Variants in CCSER1 observed in about 807,000 individuals in gnomAD.
The protein encoded by CCSER1 is coiled-coil serine rich protein 1, also known as serine-rich coiled-coil domain-containing protein 1.
Under a neutral mutation model 82.0 loss-of-function variants are expected in CCSER1, and 41 were observed. The ratio of observed to expected loss-of-function variants is 0.50; its 90% CI spans 0.39 to 0.65. CCSER1 has a LOEUF of 0.65. CCSER1 is among the 30% of genes least tolerant of loss of function. The pLI, the probability that CCSER1 is intolerant of heterozygous loss-of-function variation, is 0.00. For missense variants in CCSER1, 1,119 were observed against 1,064.2 expected (o/e 1.05, Z -0.72); for synonymous variants, 414 against 383.9 (o/e 1.08, Z -0.92).
chr4:90,332,150 TTAACC>T (rs1739406495), intron 3 of CCSER1, among the ~76,000 whole-genome samples: 3 of 152,272 alleles, frequency 2.0e-5, no homozygotes, highest in African/African-American at 7.2e-5. Context: ...AAAGAAAAAG[TTAACC>T]AAACTTACTT....
At chr4:91,510,767 A>G (rs1759774868) in intron 10 of CCSER1, among the ~76,000 whole-genome samples, 5 of 152,056 alleles carry the variant, frequency 3.3e-5, no homozygotes, top group Admixed American at 3.3e-4. Flanking sequence ...CTCCCATTCT[A>G]TAGGTTGTAT....
At chr4:90,927,143 G>A (rs1729169400) in intron 9 of CCSER1, among the ~76,000 whole-genome samples, 1 of 152,000 alleles carries the variant, frequency 6.6e-6, no homozygotes, top group South Asian at 2.1e-4. Context: ...GACAGCTTAT[G>A]TCCTGAAGAA....
intron 9 of CCSER1, among the ~76,000 whole-genome samples, chr4:90,943,378 T>G (rs181684905): frequency 6.6e-6 from 1 of 152,204 alleles, no homozygotes; most frequent in African/African-American, 2.4e-5. Flanking sequence ...CATTTTGAGA[T>G]AGTGATCATC....
At chr4:91,597,771 A>G (rs1764651968) in intron 10 of CCSER1, among the ~76,000 whole-genome samples, 1 of 133,424 alleles carries the variant, frequency 7.5e-6, no homozygotes, top group Admixed American at 7.6e-5. Context: ...CATTTTTTGC[A>G]TGCAGAACAA....
chr4:91,594,155 T>C (rs968023809), intron 10 of CCSER1, among the ~76,000 whole-genome samples: 1 of 151,904 alleles, frequency 6.6e-6, no homozygotes, highest in Non-Finnish European at 1.5e-5. Context: ...GAGAAAGATG[T>C]GGCTAGACAC....
At chr4:91,081,951 G>A (rs539372583) in intron 9 of CCSER1, among the ~76,000 whole-genome samples, 6 of 152,234 alleles carry the variant, frequency 3.9e-5, no homozygotes, top group African/African-American at 1.2e-4. Flanking sequence ...ATGCTCATGG[G>A]TAGGAAGAAT....
chr4:90,198,633 A>G (rs867056608), intron 1 of CCSER1, among the ~76,000 whole-genome samples: 3 of 152,272 alleles, frequency 2.0e-5, no homozygotes, highest in African/African-American at 7.2e-5. Flanking sequence ...GAAAACTTCA[A>G]TTCACTTTTG....
intron 6 of CCSER1, among the ~76,000 whole-genome samples, chr4:90,714,877 G>A (rs1419226075): frequency 6.6e-6 from 1 of 151,846 alleles, no homozygotes; most frequent in African/African-American, 2.4e-5. Context: ...AGTGTATCTG[G>A]CATGAAATAG....
chr4:90,258,335 A>G (rs1001024550), intron 1 of CCSER1, among the ~76,000 whole-genome samples: 2 of 152,176 alleles, frequency 1.3e-5, no homozygotes, highest in Admixed American at 6.5e-5. Flanking sequence ...CAACATGGTA[A>G]CACCCCGTTT....
intron 9 of CCSER1, among the ~76,000 whole-genome samples, chr4:90,952,463 C>T (rs1244650530): frequency 6.6e-6 from 1 of 151,790 alleles, no homozygotes; most frequent in East Asian, 1.9e-4. Flanking sequence ...ATCCTGCCCA[C>T]CAGGTTAATA....
At chr4:91,296,970 T>G (rs1744228969) in intron 10 of CCSER1, among the ~76,000 whole-genome samples, 1 of 151,688 alleles carries the variant, frequency 6.6e-6, no homozygotes, top group Non-Finnish European at 1.5e-5. Context: ...TTGTGAAGAT[T>G]TTGGGTTAAA....
chr4:90,249,449 A>G (rs576556106), intron 1 of CCSER1, among the ~76,000 whole-genome samples: 128 of 152,250 alleles, frequency 8.4e-4, no homozygotes, highest in African/African-American at 3.0e-3. Context: ...AACCATTTTC[A>G]TTACCCCCAA....
At chr4:90,957,413 T>G (rs1373446032) in intron 9 of CCSER1, among the ~76,000 whole-genome samples, 1 of 145,762 alleles carries the variant, frequency 6.9e-6, no homozygotes, top group Non-Finnish European at 1.5e-5. Flanking sequence ...GCCTGATATT[T>G]CTAATTGAGG....
chr4:90,784,789 C>T (rs1263877137), intron 7 of CCSER1, among the ~76,000 whole-genome samples: 1 of 152,098 alleles, frequency 6.6e-6, no homozygotes, highest in Non-Finnish European at 1.5e-5. Flanking sequence ...ATAACATAAA[C>T]ATGGTTGATT....
intron 7 of CCSER1, among the ~76,000 whole-genome samples, chr4:90,801,012 A>G (rs996194318): frequency 2.6e-5 from 4 of 152,208 alleles, no homozygotes; most frequent in African/African-American, 9.6e-5. Flanking sequence ...GCTACATTAC[A>G]TTAGAAAAGT....
chr4:90,866,432 A>G (rs1765741203), intron 8 of CCSER1, among the ~76,000 whole-genome samples: 1 of 152,086 alleles, frequency 6.6e-6, no homozygotes. Flanking sequence ...TTAAGATAGA[A>G]GAGCAATGAG....
chr4:90,666,632 A>G (rs1731830590), intron 6 of CCSER1, among the ~76,000 whole-genome samples: 1 of 152,220 alleles, frequency 6.6e-6, no homozygotes, highest in Non-Finnish European at 1.5e-5. Context: ...AAAATGCACC[A>G]GATTGCCCTA....
At chr4:91,136,025 A>G (rs1056722454) in intron 10 of CCSER1, among the ~76,000 whole-genome samples, 1 of 152,194 alleles carries the variant, frequency 6.6e-6, no homozygotes, top group East Asian at 1.9e-4. Flanking sequence ...ATTGACGTAC[A>G]AAAGTATGTG....
At chr4:90,323,106 T>G (rs1052030693) in intron 3 of CCSER1, among the ~76,000 whole-genome samples, 5 of 152,176 alleles carry the variant, frequency 3.3e-5, no homozygotes, top group African/African-American at 1.2e-4. Flanking sequence ...GGGTGCTTCA[T>G]TTTAATGTAG....
Sources: gnomAD v4.1 joint callset for allele counts (sites outside exome capture counted in the v4.1 genomes callset) on GRCh38, gnomAD v4.1.1 for gene constraint, MANE v1.5 for transcripts, NCBI Gene and HGNC (gene_info 2026-07-23, HGNC 2026-07-21) for gene names.